PCDH11X: variants seen among roughly 807,000 people sequenced by gnomAD.
The protein encoded by PCDH11X is protocadherin 11 X-linked, also known as protocadherin-11 X-linked.
In PCDH11X, 18 loss-of-function variants were observed where a neutral mutation model predicts 53.3. The observed-to-expected ratio is 0.34, with a 90% CI of 0.23 to 0.50. The LOEUF is 0.50. PCDH11X is among the 20% of genes least tolerant of loss of function. The pLI, the probability that PCDH11X is intolerant of heterozygous loss-of-function variation, is 0.98. For missense variants in PCDH11X, 570 were observed against 1,032.4 expected, an observed-to-expected ratio of 0.55 and a Z score of 6.14; for synonymous variants, 279 against 393.3, an observed-to-expected ratio of 0.71 and a Z score of 3.44.
intron 6 of PCDH11X, among the ~76,000 whole-genome samples, chrX:92,085,221 C>G (rs2148109352): frequency 9.0e-6 from 1 of 110,651 alleles, no homozygotes; most frequent in Non-Finnish European, 1.9e-5. Context: ...TTGTGATTGG[C>G]TGAAACTTCG....
At chrX:91,900,438 C>T (rs996454931) in intron 6 of PCDH11X, among the ~76,000 whole-genome samples, 6 of 109,380 alleles carry the variant, frequency 5.5e-5, no homozygotes, top group Non-Finnish European at 1.1e-4. Flanking sequence ...CCACTTGATT[C>T]CTGGACCTGT....
At chrX:92,500,091 A>G (rs2073935502) in intron 10 of PCDH11X, among the ~76,000 whole-genome samples, 1 of 111,440 alleles carries the variant, frequency 9.0e-6, no homozygotes, top group African/African-American at 3.3e-5. Flanking sequence ...CTTAAAATTG[A>G]TACTAAGCTA....
chrX:92,117,895 C>T (rs1363865925), intron 6 of PCDH11X, among the ~76,000 whole-genome samples: 3 of 112,096 alleles, frequency 2.7e-5, no homozygotes, highest in Non-Finnish European at 5.6e-5. Context: ...TGCTCATTAA[C>T]AAGCTGAGGC....
chrX:91,888,611 A>G (rs980262905), intron 6 of PCDH11X, among the ~76,000 whole-genome samples: 8 of 110,449 alleles, frequency 7.2e-5, no homozygotes, highest in African/African-American at 2.0e-4. Flanking sequence ...CAGTGAGCCT[A>G]GATCACGCCA....
chrX:92,228,838 C>T (rs1001686849), intron 7 of PCDH11X, among the ~76,000 whole-genome samples: 1 of 111,649 alleles, frequency 9.0e-6, no homozygotes, highest in Non-Finnish European at 1.9e-5. Context: ...CTTTTTCTCC[C>T]ACTGAAAAGT....
intron 8 of PCDH11X, among the ~76,000 whole-genome samples, chrX:92,331,333 C>CTTCTTCTTCTTCTT (rs1300857539): frequency 7.1e-5 from 6 of 84,902 alleles, no homozygotes; most frequent in African/African-American, 1.9e-4. Context: ...TCTTCTTCTT[C>CTTCTTCTTCTTCTT]CTTCCTTCCT....
intron 6 of PCDH11X, among the ~76,000 whole-genome samples, chrX:92,126,836 C>A (rs1306666441): frequency 1.1e-5 from 1 of 94,077 alleles, no homozygotes; most frequent in Non-Finnish European, 2.1e-5. Context: ...GTATTTCTTA[C>A]CTTTGTTTGA....
intron 6 of PCDH11X, among the ~76,000 whole-genome samples, chrX:92,083,885 T>C (rs1217945598): frequency 1.8e-5 from 2 of 110,556 alleles, no homozygotes. Flanking sequence ...GGTCAGGAGT[T>C]CGAGACCAGC....
intron 8 of PCDH11X, among the ~76,000 whole-genome samples, chrX:92,333,325 G>GT (rs947892461): frequency 5.4e-5 from 6 of 111,146 alleles, no homozygotes; most frequent in African/African-American, 1.3e-4. Context: ...ATTTTGTTTT[G>GT]TTTTTTTCTT....
intron 6 of PCDH11X, among the ~76,000 whole-genome samples, chrX:92,121,142 GT>G (rs1284710677): frequency 9.4e-6 from 1 of 106,902 alleles, no homozygotes; most frequent in African/African-American, 3.4e-5. Flanking sequence ...AATTTTTTTT[GT>G]TTTGTTTTTT....
chrX:91,854,451 C>T (rs777811442), intron 5 of PCDH11X, among the ~76,000 whole-genome samples: 21 of 112,231 alleles, frequency 1.9e-4, no homozygotes, highest in African/African-American at 6.1e-4. Flanking sequence ...AATAGTGCTG[C>T]AAAAAAGCCT....
intron 7 of PCDH11X, among the ~76,000 whole-genome samples, chrX:92,231,651 C>T (rs909093343): frequency 9.0e-6 from 1 of 111,568 alleles, no homozygotes; most frequent in African/African-American, 3.3e-5. Context: ...CAATGGTATA[C>T]GGGAACAGTT....
rs774329456 is a variant in PCDH11X at position 92,557,635 on chromosome X, C to T, written c.3368-60629C>T. 1.6e-3 allele frequency among the ~76,000 whole-genome samples: 170 copies of T among 109,347 alleles called. 1 individual carries two copies. Among genetic ancestry groups the T allele is most frequent in the Admixed American group, 3.1e-3 (32 of 10,165 alleles). 95.0% of individuals were successfully genotyped at this position (109,347 alleles called of 115,157 possible). On this transcript the variant is annotated intron_variant, in intron 10 of 10. Coordinates refer to ENST00000682573, the MANE Select transcript of PCDH11X (RefSeq NM_032968.5). ...CCACATTTTCCTGTCTACTTCTGAG[C>T]CCTCCAAGCCTCTATGAAGGTCCAA... is the stretch of plus-strand genomic sequence containing the variant.
At chrX:91,853,513 G>T (rs922213634) in intron 5 of PCDH11X, among the ~76,000 whole-genome samples, 1 of 109,620 alleles carries the variant, frequency 9.1e-6, no homozygotes, top group African/African-American at 3.4e-5. Context: ...AGTAAAGGAA[G>T]TTTTATTATT....
rs772494778 is a variant in PCDH11X at position 91,822,707 on chromosome X, T to C, written c.-45+11412T>C. Among the ~76,000 whole-genome samples, 590 of 109,290 alleles carry C rather than the reference T, an allele frequency of 5.4e-3. 1 individual carries two copies. Among genetic ancestry groups the C allele is most frequent in the Non-Finnish European group, 8.8e-3 (462 of 52,595 alleles). 94.9% of individuals were successfully genotyped at this position (109,290 alleles called of 115,157 possible). ...GCTCTGATTTTAGTTATTTCTTGCC[T>C]TCTGCTAGCTTTTGAATGTGTTTGC... On this transcript the variant is annotated intron_variant, in intron 4 of 10. Transcript: ENST00000682573.
intron 9 of PCDH11X, among the ~76,000 whole-genome samples, chrX:92,448,193 T>C (rs985888906): frequency 9.3e-6 from 1 of 107,145 alleles, no homozygotes; most frequent in African/African-American, 3.4e-5. Flanking sequence ...GAGTTAAGAC[T>C]TTGGGAGACT....
intron 7 of PCDH11X, among the ~76,000 whole-genome samples, chrX:92,217,119 C>T (rs1362610137): frequency 6.3e-5 from 7 of 110,909 alleles, no homozygotes; most frequent in South Asian, 3.9e-4. Flanking sequence ...TAAAGACCAT[C>T]GAGGCTAGGA....
intron 10 of PCDH11X, among the ~76,000 whole-genome samples, chrX:92,470,559 C>T (rs1323024703): frequency 9.1e-6 from 1 of 110,491 alleles, no homozygotes; most frequent in Non-Finnish European, 1.9e-5. Context: ...GTTTTTTCCC[C>T]ATTCAGTATG....
At chrX:92,412,509 GTATATATATATATATATATA>G (rs748836273) in intron 9 of PCDH11X, among the ~76,000 whole-genome samples, 35 of 64,434 alleles carry the variant, frequency 5.4e-4, no homozygotes, top group African/African-American at 1.1e-3. Context: ...AAAGAAAATA[GTATATATATATATATATATA>G]TATATATATA....
Sources: gnomAD v4.1 joint callset for allele counts (sites outside exome capture counted in the v4.1 genomes callset) on GRCh38, gnomAD v4.1.1 for gene constraint, MANE v1.5 for transcripts, NCBI Gene and HGNC (gene_info 2026-07-23, HGNC 2026-07-21) for gene names.